Variants in MTMR14 observed in about 807,000 individuals in gnomAD.
MTMR14 encodes the protein phosphatidylinositol-3,5-bisphosphate 3-phosphatase MTMR14.
A neutral mutation model predicts 86.3 loss-of-function variants in MTMR14; 48 were observed. The observed-to-expected ratio is 0.56, with a 90% CI of 0.44 to 0.71. MTMR14 has a LOEUF of 0.71. MTMR14 is among the 30% of genes least tolerant of loss of function. MTMR14 has a pLI of 0.00. For synonymous variants in MTMR14, 366 were observed against 326.1 expected (o/e 1.12, Z -1.32); for missense variants, 780 against 834.6 (o/e 0.93, Z 0.81).
chr3:9,658,612 G>GAATCTCGGCTACCCACAGGGTTTAA (rs1320450402), intron 2 of MTMR14, among the ~76,000 whole-genome samples: 1 of 152,248 alleles, frequency 6.6e-6, no homozygotes, highest in Non-Finnish European at 1.5e-5. Context: ...ACAGGGTTTA[G>GAATCTCGGCTACCCACAGGGTTTAA]AATCTCAGCT....
At chr3:9,690,687 T>A (rs1008577932) in intron 17 of MTMR14, among the ~76,000 whole-genome samples, 3 of 152,202 alleles carry the variant, frequency 2.0e-5, no homozygotes, top group Non-Finnish European at 4.4e-5. Context: ...TGGGTGAGTT[T>A]AAAGCTGAGC....
chr3:9,701,524 G>GAAAA lies in MTMR14; in HGVS notation c.1770-255_1770-252dup. On this transcript the variant is annotated intron_variant, in intron 18 of 18. Coordinates refer to ENST00000296003, the MANE Select transcript of MTMR14 (RefSeq NM_001077525.3). This position sits in a 1 kb window ranked among gnomAD's most constrained non-coding sequence, Gnocchi z 4.2. ...GCAATAGAGTGAGACCTTGTCTCAA[G>GAAAA]AAAAAAAAAAAAAAGGTTAGTGTCC... is the stretch of plus-strand genomic sequence containing the variant. 4 of 442,618 alleles carry GAAAA rather than the reference G, an allele frequency of 9.0e-6. No homozygotes were observed. Among genetic ancestry groups the GAAAA allele is most frequent in the Admixed American group, 3.7e-5 (1 of 26,806 alleles). 27.4% of individuals were successfully genotyped at this position (442,618 alleles called of 1,614,324 possible).
In MTMR14 at chr3:9,701,952, C is replaced by G; in HGVS notation, c.1932C>G (p.Ser644Arg). Residue 644 changes from serine to arginine, a missense_variant, in exon 19 of 19, where the codon AGC (serine) becomes AGG (arginine). By Grantham distance (110) the Ser-to-Arg change is moderately radical. Coordinates refer to ENST00000296003, the MANE Select transcript of MTMR14 (RefSeq NM_001077525.3). This position sits in a 1 kb window ranked among gnomAD's most constrained non-coding sequence, Gnocchi z 4.2. ...TTGCCCGTGGTGTTGGACTCCGGAGCATCAGCAGCAATGCCTTGTGAAGAA... is the reference window on the plus strand; with the variant it reads ...TTGCCCGTGGTGTTGGACTCCGGAGGATCAGCAGCAATGCCTTGTGAAGAA... ...EQFARGVGLRSISSNAL is the reference protein window; with the variant it reads ...EQFARGVGLRRISSNAL 6.2e-7 allele frequency: 1 copy of G among 1,614,178 alleles called. No homozygotes were observed. Among genetic ancestry groups the G allele is most frequent in the Non-Finnish European group, 8.5e-7 (1 of 1,180,038 alleles).
At chr3:9,695,615 C>T (rs537138224) in intron 17 of MTMR14, among the ~76,000 whole-genome samples, 81 of 152,352 alleles carry the variant, frequency 5.3e-4, no homozygotes, top group Admixed American at 1.0e-3. Flanking sequence ...TCCCATTGGT[C>T]ATGTTTCCCT....
At chr3:9,667,207 G>T (rs970882686) in intron 3 of MTMR14, among the ~76,000 whole-genome samples, 6 of 152,198 alleles carry the variant, frequency 3.9e-5, no homozygotes, top group Non-Finnish European at 7.3e-5. Flanking sequence ...AGATGAAGCG[G>T]GGAGAGTGGA....
chr3:9,699,020 T>C (rs1034081688), intron 18 of MTMR14, among the ~76,000 whole-genome samples: 32 of 151,806 alleles, frequency 2.1e-4, no homozygotes, highest in African/African-American at 6.5e-4. Flanking sequence ...AATACAAAAT[T>C]AGCTGGGCGA....
At position 9,690,143 on chromosome 3, in the gene MTMR14, G is replaced by C. The variant is rs746188903; in HGVS notation, c.1613G>C (p.Arg538Thr). ...GSSPLEVPKP[R>T]SVDHPLPGSS... The stretch of plus-strand genomic sequence containing the variant: ...AGTCCCCTGGAGGTCCCCAAACCCA[G>C]GTGAGGAGCTCCAAAGCCCTTGCTG... The change falls in exon 17 of 19, where the codon AGA becomes ACA. Residue 538 changes from arginine to threonine, a missense_variant and splice_region_variant. Coordinates refer to ENST00000296003, the MANE Select transcript of MTMR14 (RefSeq NM_001077525.3). The C allele has an allele frequency of 2.5e-6, 4 of 1,613,624 alleles. No homozygotes were observed. The Admixed American group carries it at 5.0e-5, about 20-fold the overall frequency.
chr3:9,661,586 A>G (rs756580709), intron 2 of MTMR14, among the ~76,000 whole-genome samples: 3 of 152,136 alleles, frequency 2.0e-5, no homozygotes, highest in Non-Finnish European at 4.4e-5. Flanking sequence ...GATAGTCACA[A>G]AAATGGTCCT....
rs563131763 is a variant in MTMR14 at position 9,653,090 on chromosome 3, T to C, written c.160-531T>C. 4.1e-4 allele frequency among the ~76,000 whole-genome samples: 62 copies of C among 152,206 alleles called. 1 individual carries two copies. The South Asian group carries it at 0.012, about 29-fold the overall frequency. On this transcript the variant is annotated intron_variant, in intron 1 of 18. Coordinates refer to ENST00000296003, the MANE Select transcript of MTMR14 (RefSeq NM_001077525.3). ...CTGTCTCTACTAAAAATAGAAAAAT[T>C]AGTCAGGCGTGGTTCTACGCACCTG... is the stretch of plus-strand genomic sequence containing the variant.
intron 2 of MTMR14, among the ~76,000 whole-genome samples, chr3:9,654,871 G>A (rs1046817928): frequency 5.3e-5 from 8 of 152,216 alleles, no homozygotes; most frequent in East Asian, 3.8e-4. Context: ...AAGTGCTGCC[G>A]TAGGCCAACT....
chr3:9,680,821 A>G (rs1179057438), intron 9 of MTMR14, among the ~76,000 whole-genome samples: 2 of 152,080 alleles, frequency 1.3e-5, no homozygotes, highest in Non-Finnish European at 2.9e-5. Context: ...TGGGCGACAG[A>G]GCGAGACTCC....
Position 9,693,820 on chromosome 3 carries a change from A to G in MTMR14, c.1613+3677A>G, listed in dbSNP as rs1272621180. Among the ~76,000 whole-genome samples the G allele has an allele frequency of 2.6e-5, 4 of 152,198 alleles. 1 individual carries two copies. In the East Asian group the frequency reaches 5.8e-4, roughly 22 times the overall value. On this transcript the variant is annotated intron_variant, in intron 17 of 18. Transcript: ENST00000296003. The stretch of plus-strand genomic sequence containing the variant: ...TTGGTGGGGTGGTAAGTGGGTGGCA[A>G]TCCTGGAACCAATTCCCTGCAACAA...
At chr3:9,650,500 C>A in intron 1 of MTMR14, 1 of 394,872 alleles carries the variant, frequency 2.5e-6, no homozygotes, top group South Asian at 1.7e-5. Context: ...TCCTGCACCA[C>A]AGAACTCTGA....
chr3:9,681,218 A>G (rs2075758011), intron 9 of MTMR14, among the ~76,000 whole-genome samples: 1 of 152,194 alleles, frequency 6.6e-6, no homozygotes, highest in Non-Finnish European at 1.5e-5. Flanking sequence ...TTGTGGCAGG[A>G]CACATGTGTC....
At chr3:9,663,079 G>C (rs984619052) in intron 3 of MTMR14, among the ~76,000 whole-genome samples, 6 of 152,214 alleles carry the variant, frequency 3.9e-5, no homozygotes, top group African/African-American at 1.4e-4. Flanking sequence ...GTGGCTCTGT[G>C]TTTGCTAGGA....
intron 13 of MTMR14, among the ~76,000 whole-genome samples, chr3:9,686,841 G>A (rs1032514962): frequency 6.6e-6 from 1 of 152,220 alleles, no homozygotes; most frequent in Non-Finnish European, 1.5e-5. Context: ...TGGAAGCCTG[G>A]TGTGTGCTTC....
At chr3:9,649,843 C>T (rs998753901) in intron 1 of MTMR14, 101 bp downstream of exon 1, 2 of 1,559,908 alleles carry the variant, frequency 1.3e-6, no homozygotes. Flanking sequence ...AGTGGTACCT[C>T]GCCGCTGAGG....
At chr3:9,668,852 T>C in intron 4 of MTMR14, 58 bp downstream of exon 4, 2 of 1,574,632 alleles carry the variant, frequency 1.3e-6, no homozygotes, top group South Asian at 2.2e-5. Context: ...AGAGAATAGC[T>C]ACCCGGGCCG....
chr3:9,700,454 G>C (rs2076419657), intron 18 of MTMR14: 1 of 152,186 alleles, frequency 6.6e-6, no homozygotes, highest in South Asian at 2.1e-4. Context: ...AAAGGCCCTT[G>C]GGGATGTCAC....
Sources: allele counts gnomAD v4.1 joint callset (sites outside exome capture counted in the v4.1 genomes callset), GRCh38; gene constraint gnomAD v4.1.1; non-coding constraint Gnocchi (gnomAD v3.1); transcripts MANE v1.5; gene names NCBI Gene and HGNC (gene_info 2026-07-23, HGNC 2026-07-21).